UVRAG: variants seen among roughly 807,000 people sequenced by gnomAD.
The protein encoded by UVRAG is UV radiation resistance associated.
Under a neutral mutation model 78.0 loss-of-function variants are expected in UVRAG, and 19 were observed. The ratio of observed to expected loss-of-function variants is 0.24; its 90% CI spans 0.17 to 0.36. The LOEUF (loss-of-function observed/expected upper bound fraction) is 0.36. UVRAG is among the 10% of genes least tolerant of loss of function. The probability of loss-of-function intolerance (pLI) is 1.00; values close to 1 mark genes in which losing one functional copy is unlikely to be tolerated. For missense variants in UVRAG, 740 were observed against 853.8 expected (o/e 0.87, Z 1.66); for synonymous variants, 323 against 324.6 (o/e 1.00, Z 0.05).
intron 6 of UVRAG, among the ~76,000 whole-genome samples, chr11:75,943,544 A>G (rs1048584467): frequency 6.6e-6 from 1 of 152,132 alleles, no homozygotes; most frequent in Non-Finnish European, 1.5e-5. Flanking sequence ...TTTTATGCCA[A>G]ATGTGGTTCT....
chr11:76,041,038 A>C (rs1017239287), intron 12 of UVRAG, among the ~76,000 whole-genome samples: 6 of 152,226 alleles, frequency 3.9e-5, no homozygotes, highest in African/African-American at 4.8e-5. Flanking sequence ...TTGTGAGTGA[A>C]AATTTTAGCA....
At chr11:75,951,296 T>C (rs1233411453) in intron 6 of UVRAG, among the ~76,000 whole-genome samples, 1 of 151,900 alleles carries the variant, frequency 6.6e-6, no homozygotes, top group Non-Finnish European at 1.5e-5. Flanking sequence ...AAATTGAGTA[T>C]GTATGAATGA....
At chr11:76,110,842 C>CAT (rs766065856) in intron 13 of UVRAG, among the ~76,000 whole-genome samples, 56 of 151,700 alleles carry the variant, frequency 3.7e-4, no homozygotes, top group Middle Eastern at 3.4e-3. Flanking sequence ...TATAAAATCC[C>CAT]ATATATATAT....
chr11:76,016,708 T>C (rs1196421813), intron 11 of UVRAG, 107 bp from the exon 12 acceptor site: 1 of 1,050,526 alleles, frequency 9.5e-7, no homozygotes, highest in Non-Finnish European at 1.3e-6. Flanking sequence ...GTTAATATTT[T>C]ATGTACCACA....
intron 7 of UVRAG, among the ~76,000 whole-genome samples, chr11:75,978,267 G>T (rs1480014285): frequency 6.6e-6 from 1 of 152,154 alleles, no homozygotes; most frequent in Non-Finnish European, 1.5e-5. Flanking sequence ...CCCTTTGTGG[G>T]TAACCTGACC....
chr11:75,939,960 C>G (rs1311027599), intron 6 of UVRAG, among the ~76,000 whole-genome samples: 1 of 152,144 alleles, frequency 6.6e-6, no homozygotes, highest in African/African-American at 2.4e-5. Context: ...TTAAGCCAAT[C>G]CTGAAACACT....
chr11:76,056,057 T>C (rs755761936), intron 12 of UVRAG, among the ~76,000 whole-genome samples: 3 of 152,194 alleles, frequency 2.0e-5, no homozygotes, highest in African/African-American at 4.8e-5. Flanking sequence ...ATCAAATACA[T>C]AGGCATCTGT....
chr11:76,070,773 A>G (rs1715229825), intron 13 of UVRAG, among the ~76,000 whole-genome samples: 1 of 152,216 alleles, frequency 6.6e-6, no homozygotes, highest in Non-Finnish European at 1.5e-5. Flanking sequence ...GTAGCGTTCC[A>G]TTTATATAAG....
At chr11:75,851,119 CCAGACTT>C (rs1461629792) in intron 1 of UVRAG, among the ~76,000 whole-genome samples, 1 of 152,156 alleles carries the variant, frequency 6.6e-6, no homozygotes, top group Admixed American at 6.5e-5. Flanking sequence ...TCTGCTGTGC[CCAGACTT>C]CAGCGTTGCC....
At chr11:75,857,151 C>A (rs1470814956) in intron 2 of UVRAG, among the ~76,000 whole-genome samples, 1 of 152,238 alleles carries the variant, frequency 6.6e-6, no homozygotes, top group Non-Finnish European at 1.5e-5. Flanking sequence ...CTCCGTCAGT[C>A]TGTTCTCAAC....
intron 2 of UVRAG, among the ~76,000 whole-genome samples, chr11:75,853,982 A>T (rs1340460031): frequency 6.6e-6 from 1 of 151,770 alleles, no homozygotes; most frequent in Non-Finnish European, 1.5e-5. Context: ...CATGTTGGCC[A>T]GGCTGGTCTT....
intron 4 of UVRAG, among the ~76,000 whole-genome samples, chr11:75,884,226 C>CTCTCTCTCTCTCTCTCTCTT (rs1157475768): frequency 8.1e-5 from 11 of 136,642 alleles, no homozygotes; most frequent in African/African-American, 2.0e-4. Context: ...CTCTCTCTCT[C>CTCTCTCTCTCTCTCTCTCTT]TCTCTCTCTC....
rs950292489 is a variant in UVRAG at position 75,967,807 on chromosome 11, A to G, written c.699+6258A>G. ...TGTTGCAATATCGTAAGTCTCGCAGACTCTGGTAAACTCCATCATACACTT... is the reference window on the plus strand; with the variant it reads ...TGTTGCAATATCGTAAGTCTCGCAGGCTCTGGTAAACTCCATCATACACTT... On this transcript the variant is annotated intron_variant, in intron 7 of 14. Coordinates refer to ENST00000356136, the MANE Select transcript of UVRAG (RefSeq NM_003369.4). 3.3e-5 allele frequency among the ~76,000 whole-genome samples: 5 copies of G among 152,268 alleles called. No individual in the cohort carries two copies. The South Asian group carries it at 1.0e-3, about 32-fold the overall frequency.
intron 5 of UVRAG, among the ~76,000 whole-genome samples, chr11:75,897,250 TG>T (rs1565369196): frequency 1.3e-5 from 2 of 151,500 alleles, no homozygotes; most frequent in African/African-American, 4.9e-5. Flanking sequence ...CCTGAACAAA[TG>T]AAAACTCCTT....
At chr11:76,040,164 C>G (rs1384860411) in intron 12 of UVRAG, among the ~76,000 whole-genome samples, 2 of 151,960 alleles carry the variant, frequency 1.3e-5, no homozygotes, top group Non-Finnish European at 2.9e-5. Flanking sequence ...AGTAGAAGAA[C>G]TTTGACCCAT....
intron 12 of UVRAG, among the ~76,000 whole-genome samples, chr11:76,034,447 C>T (rs1950493289): frequency 6.6e-6 from 1 of 152,198 alleles, no homozygotes; most frequent in Non-Finnish European, 1.5e-5. Context: ...GATTATCCCG[C>T]CTTGGCCTCC....
At chr11:76,116,941 T>A (rs1288652580) in intron 14 of UVRAG, among the ~76,000 whole-genome samples, 2 of 152,232 alleles carry the variant, frequency 1.3e-5, no homozygotes, top group East Asian at 3.8e-4. Flanking sequence ...ATAGGACTCC[T>A]GTTAAGCAAA....
chr11:75,881,185 T>C (rs1946936808), intron 4 of UVRAG, among the ~76,000 whole-genome samples: 1 of 152,060 alleles, frequency 6.6e-6, no homozygotes, highest in Admixed American at 6.5e-5. Flanking sequence ...GAGACAGGTC[T>C]CAGTTAATTT....
intron 8 of UVRAG, among the ~76,000 whole-genome samples, chr11:75,993,877 A>G (rs1279171324): frequency 6.6e-6 from 1 of 152,166 alleles, no homozygotes; most frequent in Non-Finnish European, 1.5e-5. Flanking sequence ...TGAAGCCAGT[A>G]CAGGCGTATC....
Sources: gnomAD v4.1 joint callset for allele counts (sites outside exome capture counted in the v4.1 genomes callset) on GRCh38, gnomAD v4.1.1 for gene constraint, MANE v1.5 for transcripts, NCBI Gene and HGNC (gene_info 2026-07-23, HGNC 2026-07-21) for gene names.